The following SPOP variants were observed in gnomAD, a reference collection of about 807,000 sequenced individuals.
The protein encoded by SPOP is speckle type BTB/POZ protein.
In SPOP, 11 loss-of-function variants were observed where a neutral mutation model predicts 45.6. The ratio of observed to expected loss-of-function variants is 0.24; its 90% CI spans 0.15 to 0.40. The LOEUF (loss-of-function observed/expected upper bound fraction) is 0.40. Among genes scored for constraint, SPOP ranks in the 10% least tolerant of loss-of-function variants. The pLI is 1.00. For synonymous variants in SPOP, 166 were observed against 166.3 expected (o/e 1.00, Z 0.01); for missense variants, 152 against 465.6 (o/e 0.33, Z 6.20).
chr17:49,600,173 C>T lies in SPOP; in HGVS notation c.*205G>A. Reference sequence around the variant, plus strand: ...GGCCAAAGGGAACACAGTGACGCAGCAACAGGGTTTTCATTTCATTTTCCC... The same window carrying T: ...GGCCAAAGGGAACACAGTGACGCAGTAACAGGGTTTTCATTTCATTTTCCC... On this transcript the variant is annotated 3_prime_UTR_variant, in exon 10 of 10. Transcript: ENST00000504102. This position sits in a 1 kb window ranked among gnomAD's most constrained non-coding sequence, Gnocchi z 4.2. 2.9e-6 allele frequency: 2 copies of T among 692,830 alleles called. No individual in the cohort carries two copies. The highest frequency in any genetic ancestry group is 2.4e-6 in the Non-Finnish European group (1 of 408,842). The allele number at this position is 692,830 out of a possible 1,614,324, so 42.9% of individuals were successfully genotyped here. A position where few individuals can be genotyped will look rare whatever the true frequency, so the allele number is the denominator to read the frequency against.
At chr17:49,639,023 T>C (rs2072597781) in intron 1 of SPOP, among the ~76,000 whole-genome samples, 1 of 152,180 alleles carries the variant, frequency 6.6e-6, no homozygotes, top group South Asian at 2.1e-4. Flanking sequence ...GCTGAATTCA[T>C]GCAACAAATA....
chr17:49,599,406 G>A lies in SPOP; in HGVS notation c.*972C>T, dbSNP rs1002108724. 2.7e-5 allele frequency: 6 copies of A among 225,886 alleles called. No homozygotes were observed. The highest frequency in any genetic ancestry group is 1.3e-4 in the African/African-American group (6 of 44,872). The allele number at this position is 225,886 out of a possible 1,614,324, so 14.0% of individuals were successfully genotyped here. A position where few individuals can be genotyped will look rare whatever the true frequency, so the allele number is the denominator to read the frequency against. The stretch of plus-strand genomic sequence containing the variant: ...GGCTCCTATGCAGGCGGCAAGTCAG[G>A]TACAAACAGCTGAGCAATCTGGGCT... On this transcript the variant is annotated 3_prime_UTR_variant, in exon 10 of 10. Coordinates refer to ENST00000504102, the MANE Select transcript of SPOP (RefSeq NM_001007228.2).
intron 1 of SPOP, chr17:49,646,436 A>G (rs2072759437): frequency 6.6e-6 from 1 of 151,978 alleles, no homozygotes; most frequent in East Asian, 1.9e-4. Flanking sequence ...TGATGGCGCA[A>G]GCCTGTAATC....
Position 49,619,767 on chromosome 17 carries a change from C to T in SPOP, c.201-382G>A, listed in dbSNP as rs2072179708. Among the ~76,000 whole-genome samples the T allele has an allele frequency of 6.6e-6, 1 of 152,112 alleles. No individual in the cohort carries two copies. The highest frequency in any genetic ancestry group is 1.5e-5 in the Non-Finnish European group (1 of 68,032). On this transcript the variant is annotated intron_variant, in intron 3 of 9. Transcript: ENST00000504102. This position sits in a 1 kb window ranked among gnomAD's most constrained non-coding sequence, Gnocchi z 4.9. ...CTTGAATGCTTGAGCTCAAGCGATC[C>T]GTCTGCCTCAGCCTCCCAGAGTGCT...
chr17:49,599,001 A>C lies in SPOP; in HGVS notation c.*1377T>G, dbSNP rs2071691394. 5.0e-6 allele frequency: 1 copy of C among 201,848 alleles called. No homozygotes were observed. Among genetic ancestry groups the C allele is most frequent in the South Asian group, 1.9e-4 (1 of 5,260 alleles). 12.5% of individuals were successfully genotyped at this position (201,848 alleles called of 1,614,324 possible). On this transcript the variant is annotated 3_prime_UTR_variant, in exon 10 of 10. Coordinates refer to ENST00000504102, the MANE Select transcript of SPOP (RefSeq NM_001007228.2). ...TCTTAAAACATACGGGGGGCAGTTTAAAAGCCCACTACCATTACTTGCCTT... is the reference window on the plus strand; with the variant it reads ...TCTTAAAACATACGGGGGGCAGTTTCAAAGCCCACTACCATTACTTGCCTT...
intron 1 of SPOP, among the ~76,000 whole-genome samples, chr17:49,643,621 A>G (rs2072699381): frequency 6.6e-6 from 1 of 152,216 alleles, no homozygotes; most frequent in Non-Finnish European, 1.5e-5. Context: ...ATAGTCCCAC[A>G]CAGTAGGGAG....
At chr17:49,601,726 G>T in intron 9 of SPOP, 139 bp downstream of exon 9, 1 of 1,111,772 alleles carries the variant, frequency 9.0e-7, no homozygotes, top group Non-Finnish European at 1.3e-6. Context: ...GTCAACTGAA[G>T]GAAAAGATGA....
chr17:49,622,542 C>G (rs992248223), intron 2 of SPOP, 191 bp downstream of exon 2: 7 of 596,986 alleles, frequency 1.2e-5, no homozygotes, highest in Non-Finnish European at 1.8e-5. Context: ...CTGAAAAACA[C>G]TAGCCTAGGG....
At chr17:49,628,085 AG>A (rs2072374594) in intron 1 of SPOP, among the ~76,000 whole-genome samples, 1 of 152,230 alleles carries the variant, frequency 6.6e-6, no homozygotes, top group Admixed American at 6.5e-5. Context: ...GACCTACCTG[AG>A]GGTTAGAGTT....
chr17:49,654,506 CCTTT>C (rs764122500), intron 1 of SPOP, among the ~76,000 whole-genome samples: 14 of 152,116 alleles, frequency 9.2e-5, no homozygotes, highest in African/African-American at 1.4e-4. Flanking sequence ...TTTCTTTTTT[CCTTT>C]CTTTCTTTTT....
At chr17:49,641,854 T>C (rs1373459596) in intron 1 of SPOP, among the ~76,000 whole-genome samples, 1 of 151,914 alleles carries the variant, frequency 6.6e-6, no homozygotes, top group African/African-American at 2.4e-5. Context: ...AAACCCTGTC[T>C]CTACCAAAAA....
rs1280596115 is a variant in SPOP at position 49,599,422 on chromosome 17, A to C, written c.*956T>G. 1.8e-5 allele frequency: 4 copies of C among 226,698 alleles called. No homozygotes were observed. The allele number at this position is 226,698 out of a possible 1,614,324, so 14.0% of individuals were successfully genotyped here. On this transcript the variant is annotated 3_prime_UTR_variant, in exon 10 of 10. Coordinates refer to ENST00000504102, the MANE Select transcript of SPOP (RefSeq NM_001007228.2). ...GCAAGTCAGGTACAAACAGCTGAGC[A>C]ATCTGGGCTGGGATTTTATCACACA...
intron 1 of SPOP, among the ~76,000 whole-genome samples, chr17:49,666,905 G>A (rs1336346882): frequency 3.3e-5 from 5 of 152,098 alleles, no homozygotes; most frequent in South Asian, 2.1e-4. Context: ...AGGGCTGGGC[G>A]TGGTGGCTCA....
chr17:49,668,063 G>C (rs1306445065), intron 1 of SPOP: 1 of 152,186 alleles, frequency 6.6e-6, no homozygotes, highest in Admixed American at 6.5e-5. Context: ...GAAAGTAGAA[G>C]GGTGGTTCCC....
At chr17:49,639,322 G>A (rs1351777192) in intron 1 of SPOP, among the ~76,000 whole-genome samples, 1 of 151,970 alleles carries the variant, frequency 6.6e-6, no homozygotes, top group Non-Finnish European at 1.5e-5. Context: ...CTGTTGGTAG[G>A]AGAACAAACT....
chr17:49,612,714 G>A (rs1438888119), intron 5 of SPOP: 1 of 152,210 alleles, frequency 6.6e-6, no homozygotes, highest in Non-Finnish European at 1.5e-5. Context: ...AACAATTGTT[G>A]TTATGCTTCA....
chr17:49,602,201 A>G (rs998243189), intron 8 of SPOP, 194 bp from the exon 9 acceptor site: 80 of 572,368 alleles, frequency 1.4e-4, no homozygotes, highest in South Asian at 7.7e-4. Context: ...TGAAATGTAA[A>G]CAGCTAAAGT....
At chr17:49,606,997 G>A (rs2071864774) in intron 8 of SPOP, 2 of 383,874 alleles carry the variant, frequency 5.2e-6, no homozygotes, top group South Asian at 1.2e-4. Context: ...AAAGAGGAGA[G>A]GTAGAAGTCA....
At chr17:49,655,078 C>A (rs148671294) in intron 1 of SPOP, among the ~76,000 whole-genome samples, 1 of 152,160 alleles carries the variant, frequency 6.6e-6, no homozygotes, top group Non-Finnish European at 1.5e-5. Flanking sequence ...AGATACTTAA[C>A]ATACACCCCT....
Sources: allele counts gnomAD v4.1 joint callset (sites outside exome capture counted in the v4.1 genomes callset), GRCh38; gene constraint gnomAD v4.1.1; non-coding constraint Gnocchi (gnomAD v3.1); transcripts MANE v1.5; gene names NCBI Gene and HGNC (gene_info 2026-07-23, HGNC 2026-07-21).